Variants in VDAC1 observed in about 807,000 individuals in gnomAD.
VDAC1 encodes voltage dependent anion channel 1.
Under a neutral mutation model 34.7 loss-of-function variants are expected in VDAC1, and 10 were observed. The observed-to-expected ratio is 0.29, with a 90% CI of 0.18 to 0.49. The LOEUF is 0.49. VDAC1 is among the 20% of genes least tolerant of loss of function. VDAC1 has a pLI of 0.99. For missense variants in VDAC1, 230 were observed against 347.9 expected (o/e 0.66, Z 2.69); for synonymous variants, 130 against 136.0 (o/e 0.96, Z 0.30).
the VDAC1 span, among the ~76,000 whole-genome samples, chr5:134,049,327 C>T: frequency 6.6e-6 from 1 of 152,200 alleles, no homozygotes; most frequent in Non-Finnish European, 1.5e-5. Flanking sequence ...CTCCTGGCCT[C>T]AAGCAATCGT....
the VDAC1 span, among the ~76,000 whole-genome samples, chr5:134,033,758 C>T: frequency 6.6e-6 from 1 of 151,388 alleles, no homozygotes; most frequent in Non-Finnish European, 1.5e-5. Context: ...TTTGGGAGGC[C>T]AAGGCGGGCG....
chr5:134,039,328 TA>T, the VDAC1 span, among the ~76,000 whole-genome samples: 110 of 152,240 alleles, frequency 7.2e-4, no homozygotes, highest in Middle Eastern at 6.8e-3. Context: ...CGTGGTTTTT[TA>T]TTTTTTTTAT....
chr5:134,113,933 C>G, the VDAC1 span, among the ~76,000 whole-genome samples: 6 of 152,196 alleles, frequency 3.9e-5, no homozygotes, highest in African/African-American at 1.4e-4. Context: ...TTCCGAGTCT[C>G]CGGGCTGCAG....
At chr5:134,100,563 A>C in the VDAC1 span, among the ~76,000 whole-genome samples, 1 of 152,104 alleles carries the variant, frequency 6.6e-6, no homozygotes, top group Non-Finnish European at 1.5e-5. Flanking sequence ...GCTCCTGTGA[A>C]GGGGGTGGCA....
At chr5:134,100,569 T>C in the VDAC1 span, among the ~76,000 whole-genome samples, 2 of 151,398 alleles carry the variant, frequency 1.3e-5, no homozygotes, top group African/African-American at 4.9e-5. Flanking sequence ...GTGAAGGGGG[T>C]GGCAGCAGCA....
At position 133,980,141 on chromosome 5, in the gene VDAC1, A is replaced by G. The variant is rs1454562008; in HGVS notation, c.551+588T>C. On this transcript the variant is annotated intron_variant, in intron 6 of 8. Transcript: ENST00000265333. ...ACTAAATAAAACAAGGTTTATGGAT[A>G]AAACAAGATTCATGAATGAAATGTG... 3.9e-5 allele frequency among the ~76,000 whole-genome samples: 6 copies of G among 152,344 alleles called. No homozygotes were observed. In the East Asian group the frequency reaches 7.7e-4, roughly 20 times the overall value.
chr5:134,098,169 CTTATTATTATTATTATTA>C, the VDAC1 span, among the ~76,000 whole-genome samples: 40 of 146,728 alleles, frequency 2.7e-4, no homozygotes, highest in Non-Finnish European at 3.3e-4. Flanking sequence ...CCATGCCCTG[CTTATTATTATTATTATTA>C]TTATTATTAT....
intron 6 of VDAC1, among the ~76,000 whole-genome samples, chr5:133,977,095 A>G (rs1299092229): frequency 1.3e-5 from 2 of 152,206 alleles, no homozygotes; most frequent in African/African-American, 2.4e-5. Context: ...GAAAATGAGA[A>G]GAGAACACAG....
the VDAC1 span, among the ~76,000 whole-genome samples, chr5:134,062,185 C>T: frequency 1.3e-5 from 2 of 151,506 alleles, no homozygotes; most frequent in Non-Finnish European, 3.0e-5. Flanking sequence ...TGGGGTTTCA[C>T]TATGTTGGCT....
chr5:134,001,302 C>A lies in VDAC1; in HGVS notation c.-7+3593G>T, dbSNP rs79575147. Among the ~76,000 whole-genome samples the A allele has an allele frequency of 7.5e-3, 1,136 of 152,328 alleles. 10 individuals carry two copies. The highest frequency in any genetic ancestry group is 0.025 in the African/African-American group (1,048 of 41,570). ...GACCTGTGAAATGGAAACACACTAT[C>A]TCTCTCCCAGGGTATAGGGTGGTGA... On this transcript the variant is annotated intron_variant, in intron 1 of 8. Coordinates refer to ENST00000265333, the MANE Select transcript of VDAC1 (RefSeq NM_003374.3).
the VDAC1 span, among the ~76,000 whole-genome samples, chr5:134,039,565 G>C: frequency 6.6e-6 from 1 of 152,128 alleles, no homozygotes. Context: ...TGCTGACCTC[G>C]TGATCCGCCC....
intron 1 of VDAC1, among the ~76,000 whole-genome samples, chr5:134,003,312 T>C (rs560516182): frequency 9.2e-5 from 14 of 152,256 alleles, no homozygotes; most frequent in South Asian, 6.2e-4. Context: ...GGCCTTCTCC[T>C]GCCTCAGTGG....
At chr5:134,009,476 C>T (rs1221925102), upstream of VDAC1, among the ~76,000 whole-genome samples, 4 of 151,638 alleles carry the variant, frequency 2.6e-5, no homozygotes, top group African/African-American at 9.7e-5. Flanking sequence ...CCAGGCTGGT[C>T]TCAAACTCCT....
At chr5:134,018,818 C>T in the VDAC1 span, among the ~76,000 whole-genome samples, 1 of 152,188 alleles carries the variant, frequency 6.6e-6, no homozygotes, top group African/African-American at 2.4e-5. Flanking sequence ...AGAATGGAGA[C>T]GATGTCAGCC....
chr5:134,004,775 G>A (rs1282153908), intron 1 of VDAC1, 120 bp downstream of exon 1: 1 of 149,462 alleles, frequency 6.7e-6, no homozygotes, highest in Admixed American at 6.7e-5. Context: ...GGACGGCGGC[G>A]GCGCGGACCC....
At chr5:133,972,890 A>G (rs765085312) in intron 8 of VDAC1, 28 bp from the exon 9 acceptor site, 4 of 1,563,136 alleles carry the variant, frequency 2.6e-6, no homozygotes, top group East Asian at 2.2e-5. Flanking sequence ...AGGGAGAGGA[A>G]AGGAGGAGGA....
chr5:134,096,273 G>A, the VDAC1 span, among the ~76,000 whole-genome samples: 3 of 152,248 alleles, frequency 2.0e-5, no homozygotes, highest in African/African-American at 7.2e-5. Flanking sequence ...GGGAGGAGTT[G>A]CGCTCCTCTC....
chr5:134,049,008 T>C, the VDAC1 span, among the ~76,000 whole-genome samples: 151 of 152,306 alleles, frequency 9.9e-4, no homozygotes, highest in African/African-American at 3.5e-3. Flanking sequence ...TGCTAAGTAG[T>C]TTATATGCAT....
the VDAC1 span, among the ~76,000 whole-genome samples, chr5:134,108,866 C>T: frequency 6.6e-6 from 1 of 152,180 alleles, no homozygotes; most frequent in Non-Finnish European, 1.5e-5. Context: ...GTGTGGCTTA[C>T]TGCCCCACCC....
Sources: gnomAD v4.1 joint callset for allele counts (sites outside exome capture counted in the v4.1 genomes callset) on GRCh38, gnomAD v4.1.1 for gene constraint, MANE v1.5 for transcripts, NCBI Gene and HGNC (gene_info 2026-07-23, HGNC 2026-07-21) for gene names.